Variants in VPS13B observed in about 807,000 individuals in gnomAD.
VPS13B encodes vacuolar protein sorting 13 homolog B.
A neutral mutation model predicts 426.4 loss-of-function variants in VPS13B; 285 were observed. The observed-to-expected ratio is 0.67, with a 90% CI of 0.61 to 0.74. VPS13B has a LOEUF of 0.74. Among genes scored for constraint, VPS13B ranks in the 30% least tolerant of loss-of-function variants. The pLI is 0.00. For missense variants in VPS13B, 4,537 were observed against 4,782.6 expected, an observed-to-expected ratio of 0.95 and a Z score of 1.51; for synonymous variants, 1,676 against 1,676.4, an observed-to-expected ratio of 1.00 and a Z score of 0.01.
chr8:99,707,882 T>C (rs1832552557), intron 36 of VPS13B, among the ~76,000 whole-genome samples: 1 of 152,150 alleles, frequency 6.6e-6, no homozygotes, highest in African/African-American at 2.4e-5. Flanking sequence ...ATACCAGTCT[T>C]TCAAAACCTG....
At chr8:99,527,912 A>T (rs986208293) in intron 30 of VPS13B, 1 of 152,072 alleles carries the variant, frequency 6.6e-6, no homozygotes, top group Non-Finnish European at 1.5e-5. Flanking sequence ...CCACTGCTTC[A>T]CTTGACTAGC....
intron 19 of VPS13B, among the ~76,000 whole-genome samples, chr8:99,305,382 A>T (rs1820583144): frequency 6.6e-6 from 1 of 152,184 alleles, no homozygotes; most frequent in African/African-American, 2.4e-5. Context: ...ACTAGGTATT[A>T]TAAAACCCAG....
At chr8:99,705,874 A>G (rs1563873714) in intron 36 of VPS13B, among the ~76,000 whole-genome samples, 1 of 152,154 alleles carries the variant, frequency 6.6e-6, no homozygotes, top group South Asian at 2.1e-4. Flanking sequence ...AAGCTGCATA[A>G]AAATAAAAAT....
rs557045207 is a variant in VPS13B at position 99,085,459 on chromosome 8, A to C, written c.292-10853A>C. Among the ~76,000 whole-genome samples, 17 of 152,248 alleles carry C rather than the reference A, an allele frequency of 1.1e-4. 1 individual carries two copies. The East Asian group carries it at 3.1e-3, about 28-fold the overall frequency. On this transcript the variant is annotated intron_variant, in intron 3 of 61. Transcript: ENST00000357162. ...GGAGCATTTAGCCCATTTACATTTA[A>C]GGTTAATATTGTTATGTGTGAATTT...
At chr8:99,458,073 CA>C (rs1818595387) in intron 23 of VPS13B, among the ~76,000 whole-genome samples, 2 of 147,904 alleles carry the variant, frequency 1.4e-5, no homozygotes, top group African/African-American at 2.5e-5. Flanking sequence ...CCCCTCCCCC[CA>C]ACCCCACAAC....
At chr8:99,591,751 GTAACCCGAC>G (rs201400179) in intron 33 of VPS13B, among the ~76,000 whole-genome samples, 6,422 of 152,202 alleles carry the variant, frequency 0.042, 147 homozygotes, top group East Asian at 0.06. Context: ...CGCTTTGTGG[GTAACCCGAC>G]CTTTCTTTCT....
Position 99,311,007 on chromosome 8 carries a change from G to A in VPS13B, c.2824+35753G>A, listed in dbSNP as rs545090262. Among the ~76,000 whole-genome samples the A allele has an allele frequency of 2.8e-4, 42 of 152,036 alleles. No individual in the cohort carries two copies. In the East Asian group the frequency reaches 6.0e-3, roughly 22 times the overall value. ...TGGTAGTTTGTATTTCTGTGGGATCGGTGGTGATATCCCCTTTATCATTTT... is the reference window on the plus strand; with the variant it reads ...TGGTAGTTTGTATTTCTGTGGGATCAGTGGTGATATCCCCTTTATCATTTT... On this transcript the variant is annotated intron_variant, in intron 19 of 61. Transcript: ENST00000357162.
At chr8:99,669,018 C>A (rs1204444746) in intron 35 of VPS13B, among the ~76,000 whole-genome samples, 3 of 152,088 alleles carry the variant, frequency 2.0e-5, no homozygotes, top group Non-Finnish European at 2.9e-5. Flanking sequence ...TAATCCAGGC[C>A]TCACACTGGC....
chr8:99,372,235 G>A (rs1813228394), intron 19 of VPS13B, among the ~76,000 whole-genome samples: 1 of 145,134 alleles, frequency 6.9e-6, no homozygotes. Context: ...CTGGGCGACA[G>A]CGAGACTCCG....
intron 51 of VPS13B, among the ~76,000 whole-genome samples, chr8:99,827,080 C>T (rs1442581852): frequency 6.6e-6 from 1 of 152,110 alleles, no homozygotes; most frequent in East Asian, 1.9e-4. Flanking sequence ...TGATGGTGGC[C>T]TCATGAGATG....
chr8:99,670,303 C>G (rs1363590393), intron 35 of VPS13B, among the ~76,000 whole-genome samples: 1 of 151,778 alleles, frequency 6.6e-6, no homozygotes, highest in Admixed American at 6.6e-5. Flanking sequence ...TTTTCAATTG[C>G]AAATTTCAAA....
intron 24 of VPS13B, among the ~76,000 whole-genome samples, chr8:99,479,745 T>C (rs1202159484): frequency 6.6e-6 from 1 of 152,220 alleles, no homozygotes; most frequent in Non-Finnish European, 1.5e-5. Context: ...TTATTTCTTT[T>C]TATGGCTAAA....
Position 99,875,636 on chromosome 8 carries a change from A to G in VPS13B, c.11964A>G (p.Lys3988=). Residue 3988 remains lysine (K), a synonymous_variant, in exon 62 of 62, where the codon AAA becomes AAG. Transcript: ENST00000357162. ...TCCTTAGTAAATTTACCATGGTGAA[A>G]AATAAAGCCCTGAGGAAAGGGTTTC... ...QVFLSKFTMV[K]NKALRKGFP 2 of 1,614,182 alleles carry G rather than the reference A, an allele frequency of 1.2e-6. No individual in the cohort carries two copies. The highest frequency in any genetic ancestry group is 1.7e-6 in the Non-Finnish European group (2 of 1,180,038).
At chr8:99,205,115 C>T (rs1045553587) in intron 17 of VPS13B, among the ~76,000 whole-genome samples, 1 of 152,158 alleles carries the variant, frequency 6.6e-6, no homozygotes, top group African/African-American at 2.4e-5. Flanking sequence ...AAATGTCCAT[C>T]AGTGATAGAC....
chr8:99,181,608 T>A lies in VPS13B; in HGVS notation c.2334-11268T>A, dbSNP rs990342865. Among the ~76,000 whole-genome samples, 5 of 152,218 alleles carry A rather than the reference T, an allele frequency of 3.3e-5. No homozygotes were observed. The South Asian group carries it at 8.3e-4, about 25-fold the overall frequency. ...AATATGAGCTGCTTTGAATAGTGCC[T>A]GACACATAACAAGTTCTTTATGCAA... On this transcript the variant is annotated intron_variant, in intron 16 of 61. Transcript: ENST00000357162.
intron 33 of VPS13B, among the ~76,000 whole-genome samples, chr8:99,580,686 C>CA (rs1008335737): frequency 4.7e-5 from 7 of 149,436 alleles, no homozygotes; most frequent in South Asian, 2.1e-4. Context: ...CCCATTTCAA[C>CA]AAAAAAAAAT....
chr8:99,400,560 G>A (rs982453462), intron 21 of VPS13B, among the ~76,000 whole-genome samples: 2 of 152,174 alleles, frequency 1.3e-5, no homozygotes, highest in African/African-American at 2.4e-5. Flanking sequence ...ATGTAATAAA[G>A]CGTGTAAGGT....
chr8:99,165,151 CAT>C (rs1318206844), intron 15 of VPS13B, among the ~76,000 whole-genome samples: 1 of 152,166 alleles, frequency 6.6e-6, no homozygotes, highest in Non-Finnish European at 1.5e-5. Context: ...ATTTAGCTAA[CAT>C]ATATTATGTC....
At chr8:99,875,105 A>G (rs1817631538) in intron 61 of VPS13B, 1 of 380,072 alleles carries the variant, frequency 2.6e-6, no homozygotes, top group Non-Finnish European at 4.9e-6. Flanking sequence ...GCTAAAGAAC[A>G]ATGACAGATG....
Sources: gnomAD v4.1 joint callset for allele counts (sites outside exome capture counted in the v4.1 genomes callset) on GRCh38, gnomAD v4.1.1 for gene constraint, MANE v1.5 for transcripts, NCBI Gene and HGNC (gene_info 2026-07-23, HGNC 2026-07-21) for gene names.